The following SORCS2 variants were observed in gnomAD, a reference collection of about 807,000 sequenced individuals.
SORCS2 encodes sortilin related VPS10 domain containing receptor 2, also known as VPS10 domain-containing receptor SorCS2.
In SORCS2, 100 loss-of-function variants were observed where a neutral mutation model predicts 141.6. The observed-to-expected ratio is 0.71, with a 90% CI of 0.60 to 0.83. The LOEUF is 0.83. Among genes scored for constraint, SORCS2 ranks in the 40% least tolerant of loss-of-function variants. SORCS2 has a pLI of 0.00. For missense variants in SORCS2, 1,646 were observed against 1,560.2 expected (o/e 1.05, Z -0.93); for synonymous variants, 789 against 676.9 (o/e 1.17, Z -2.57).
intron 1 of SORCS2, among the ~76,000 whole-genome samples, chr4:7,380,664 G>A (rs759926922): frequency 1.6e-4 from 24 of 152,360 alleles, no homozygotes; most frequent in South Asian, 6.2e-4. Context: ...AAGTCAGGGC[G>A]GGGCGTAGGC....
At chr4:7,209,036 C>T (rs1560112170) in intron 1 of SORCS2, among the ~76,000 whole-genome samples, 1 of 152,240 alleles carries the variant, frequency 6.6e-6, no homozygotes, top group Non-Finnish European at 1.5e-5. Flanking sequence ...AGCCCCTCTG[C>T]TCTGCTGCCT....
chr4:7,272,049 C>T (rs1269071837), intron 1 of SORCS2, among the ~76,000 whole-genome samples: 3 of 152,146 alleles, frequency 2.0e-5, no homozygotes, highest in East Asian at 1.9e-4. Context: ...GGCGGGGTAA[C>T]GTGGATGGGG....
intron 1 of SORCS2, among the ~76,000 whole-genome samples, chr4:7,239,965 A>C (rs113116753): frequency 1.0e-3 from 156 of 152,238 alleles, no homozygotes; most frequent in African/African-American, 3.5e-3. Flanking sequence ...CACAGCCCTG[A>C]GTGTCTCGTG....
At chr4:7,230,852 T>G (rs1449764467) in intron 1 of SORCS2, among the ~76,000 whole-genome samples, 1 of 152,018 alleles carries the variant, frequency 6.6e-6, no homozygotes, top group Non-Finnish European at 1.5e-5. Flanking sequence ...ATGAAGGAGA[T>G]GAAGATGGTC....
chr4:7,231,667 C>T (rs892277872), intron 1 of SORCS2, among the ~76,000 whole-genome samples: 3 of 152,210 alleles, frequency 2.0e-5, no homozygotes, highest in African/African-American at 7.2e-5. Context: ...AGTGGACCAT[C>T]CTGCACCAGG....
chr4:7,652,772 A>T (rs1577899593), intron 4 of SORCS2, among the ~76,000 whole-genome samples: 4 of 150,830 alleles, frequency 2.7e-5, no homozygotes, highest in Admixed American at 2.6e-4. Context: ...GCTACTTGAA[A>T]CGCTGTCTGA....
intron 1 of SORCS2, among the ~76,000 whole-genome samples, chr4:7,262,475 T>G (rs1714427120): frequency 1.3e-5 from 2 of 151,792 alleles, no homozygotes; most frequent in Admixed American, 6.6e-5. Flanking sequence ...TGGGATAGTG[T>G]GGTAACAAGA....
At chr4:7,512,362 G>A (rs1732713100) in intron 2 of SORCS2, among the ~76,000 whole-genome samples, 1 of 72,164 alleles carries the variant, frequency 1.4e-5, no homozygotes, top group South Asian at 7.5e-4. Flanking sequence ...GGGAGGGAGG[G>A]ATGGAGGGAG....
At chr4:7,408,263 C>T (rs575376031) in intron 2 of SORCS2, among the ~76,000 whole-genome samples, 8 of 152,098 alleles carry the variant, frequency 5.3e-5, no homozygotes, top group Non-Finnish European at 1.2e-4. Context: ...CTCCCTTTAA[C>T]CTTTCTTCTA....
At chr4:7,224,245 T>G (rs990745402) in intron 1 of SORCS2, among the ~76,000 whole-genome samples, 7 of 152,186 alleles carry the variant, frequency 4.6e-5, no homozygotes, top group African/African-American at 1.7e-4. Flanking sequence ...GGAAGGAAGG[T>G]CTGACAACAT....
chr4:7,561,605 TATCTACCCATCCGTCTATCTACCCATTC>T (rs1367664262), intron 3 of SORCS2, among the ~76,000 whole-genome samples: 1 of 136,102 alleles, frequency 7.3e-6, no homozygotes, highest in Non-Finnish European at 1.5e-5. Flanking sequence ...TCTATCCATC[TATCTACCCATCCGTCTATCTACCCATTC>T]ATCTACCCAT....
chr4:7,434,515 A>G, intron 2 of SORCS2: 1 of 1,612,890 alleles, frequency 6.2e-7, no homozygotes, highest in Non-Finnish European at 8.5e-7. Flanking sequence ...GGCCCCACGG[A>G]GCATGCTCAG....
chr4:7,245,898 G>A (rs73799418), intron 1 of SORCS2, among the ~76,000 whole-genome samples: 1,632 of 152,302 alleles, frequency 0.011, 29 homozygotes, highest in African/African-American at 0.037. Flanking sequence ...CTTGTTCAGG[G>A]TTGCCCAGCT....
rs150345865 is a variant in SORCS2 at position 7,194,975 on chromosome 4, C to T, written c.480+1849C>T. The stretch of plus-strand genomic sequence containing the variant: ...GGGGATAGGCTGACATCCAGCCTGC[C>T]CCTGTCCTGACCTCACAGTCTGGGT... On this transcript the variant is annotated intron_variant, in intron 1 of 26. Coordinates refer to ENST00000507866, the MANE Select transcript of SORCS2 (RefSeq NM_020777.3). 8.8e-4 allele frequency among the ~76,000 whole-genome samples: 134 copies of T among 152,204 alleles called. 1 individual carries two copies. Among genetic ancestry groups the T allele is most frequent in the African/African-American group, 3.1e-3 (128 of 41,522 alleles).
intron 19 of SORCS2, 102 bp from the exon 20 acceptor site, chr4:7,725,052 G>A (rs2148883806): frequency 7.7e-7 from 1 of 1,291,926 alleles, no homozygotes; most frequent in Non-Finnish European, 1.1e-6. Flanking sequence ...TGGTGGTGGT[G>A]ATGATAGCAA....
chr4:7,578,714 G>A (rs184225841), intron 3 of SORCS2, among the ~76,000 whole-genome samples: 162 of 152,260 alleles, frequency 1.1e-3, no homozygotes, highest in Middle Eastern at 3.4e-3. Flanking sequence ...TTCCCACCCC[G>A]ACTTGACGGC....
chr4:7,574,857 A>T (rs1715643772), intron 3 of SORCS2, among the ~76,000 whole-genome samples: 1 of 152,180 alleles, frequency 6.6e-6, no homozygotes, highest in African/African-American at 2.4e-5. Flanking sequence ...GCCACTGAGC[A>T]AGGCCTCTGT....
At chr4:7,476,177 C>T (rs574590984) in intron 2 of SORCS2, among the ~76,000 whole-genome samples, 15 of 152,316 alleles carry the variant, frequency 9.8e-5, no homozygotes, top group South Asian at 6.2e-4. Context: ...GAAGGATAGC[C>T]AGGAAGCTAG....
intron 1 of SORCS2, among the ~76,000 whole-genome samples, chr4:7,375,818 G>T (rs182611790): frequency 6.6e-6 from 1 of 152,198 alleles, no homozygotes; most frequent in African/African-American, 2.4e-5. Flanking sequence ...AAATGTCTGG[G>T]GTTTGTGTCG....
Sources: gnomAD v4.1 joint callset for allele counts (sites outside exome capture counted in the v4.1 genomes callset) on GRCh38, gnomAD v4.1.1 for gene constraint, MANE v1.5 for transcripts, NCBI Gene and HGNC (gene_info 2026-07-23, HGNC 2026-07-21) for gene names.